Variants in YIPF1 observed in about 807,000 individuals in gnomAD.
The protein encoded by YIPF1 is Yip1 domain family member 1, also known as protein YIPF1.
A neutral mutation model predicts 37.0 loss-of-function variants in YIPF1; 22 were observed. The observed-to-expected ratio is 0.59, with a 90% CI of 0.42 to 0.85. The LOEUF is 0.85. YIPF1 is among the 40% of genes least tolerant of loss of function. The pLI is 0.00. For synonymous variants in YIPF1, 128 were observed against 131.9 expected, an observed-to-expected ratio of 0.97 and a Z score of 0.21; for missense variants, 355 against 373.1, an observed-to-expected ratio of 0.95 and a Z score of 0.40.
At chr1:53,874,019 T>C (rs1255561195) in intron 6 of YIPF1, among the ~76,000 whole-genome samples, 2 of 152,202 alleles carry the variant, frequency 1.3e-5, no homozygotes, top group African/African-American at 4.8e-5. Flanking sequence ...ACTACCTCTA[T>C]GTGGCCCAAT....
At chr1:53,879,865 C>T (rs1490389236) in intron 4 of YIPF1, among the ~76,000 whole-genome samples, 1 of 152,062 alleles carries the variant, frequency 6.6e-6, no homozygotes, top group Non-Finnish European at 1.5e-5. Context: ...GCAAGTAGCT[C>T]GACCCACGGA....
intron 4 of YIPF1, among the ~76,000 whole-genome samples, chr1:53,881,244 C>CAAAAAA (rs747288925): frequency 5.2e-5 from 5 of 96,262 alleles, no homozygotes; most frequent in Admixed American, 1.3e-4. Context: ...GACTCCATCT[C>CAAAAAA]AAAAAAAAAA....
chr1:53,861,693 GGAGGGA>G (rs1649885555), intron 9 of YIPF1, among the ~76,000 whole-genome samples: 2 of 110,990 alleles, frequency 1.8e-5, no homozygotes, highest in Admixed American at 9.9e-5. Flanking sequence ...AGAGAGAGAG[GGAGGGA>G]GGGAGGGAGG....
chr1:53,880,847 C>A (rs919975113), intron 4 of YIPF1, among the ~76,000 whole-genome samples: 2 of 152,204 alleles, frequency 1.3e-5, no homozygotes, highest in African/African-American at 4.8e-5. Context: ...GCTGGGAGAA[C>A]TGGCTAGCCA....
Position 53,867,515 on chromosome 1 carries a change from G to A in YIPF1, c.482-591C>T, listed in dbSNP as rs1650063979. Among the ~76,000 whole-genome samples, 4 of 152,054 alleles carry A rather than the reference G, an allele frequency of 2.6e-5. No homozygotes were observed. In the South Asian group the frequency reaches 8.3e-4, roughly 32 times the overall value. ...AGCCTCCCGAGTAGCTGGGACTACA[G>A]GCGCCCGCCACCACATCCGGCTAAT... On this transcript the variant is annotated intron_variant, in intron 7 of 10. Transcript: ENST00000072644.
intron 7 of YIPF1, among the ~76,000 whole-genome samples, chr1:53,868,339 G>A (rs1232443569): frequency 2.6e-5 from 4 of 152,086 alleles, no homozygotes; most frequent in Non-Finnish European, 5.9e-5. Flanking sequence ...CAGACTCCAT[G>A]GGTTCTAGTT....
rs1334412013 is a variant in YIPF1, at chr1:53,851,881, C to A, written c.*398G>T. ...GGCTAACATTTGGAGAGAAGAGGAT[C>A]CCCCAGGTAGTCTGTACATAATTCA... is the stretch of plus-strand genomic sequence containing the variant. On this transcript the variant is annotated 3_prime_UTR_variant, in exon 11 of 11. Coordinates refer to ENST00000072644, the MANE Select transcript of YIPF1 (RefSeq NM_018982.5). 1.3e-5 allele frequency: 2 copies of A among 152,148 alleles called. No homozygotes were observed. The highest frequency in any genetic ancestry group is 3.9e-4 in the East Asian group (2 of 5,194). 9.4% of individuals were successfully genotyped at this position (152,148 alleles called of 1,614,324 possible). A position where few individuals can be genotyped will look rare whatever the true frequency, so the allele number is the denominator to read the frequency against.
chr1:53,883,000 T>C (rs1410894201), intron 4 of YIPF1, 113 bp downstream of exon 4: 8 of 1,246,852 alleles, frequency 6.4e-6, no homozygotes, highest in Non-Finnish European at 3.2e-6. Context: ...ATGTGTCATT[T>C]ACCTCTGAGC....
At position 53,856,692 on chromosome 1, in the gene YIPF1, A is replaced by G. The variant is rs541099826; in HGVS notation, c.*8+3364T>C. On this transcript the variant is annotated intron_variant, in intron 10 of 10. Transcript: ENST00000072644. Reference sequence around the variant, plus strand: ...ACTGAGTCCCTCCCTTCTTGGCCCCATAATGCTAAACTGACAACTTGGCTA... The same window carrying G: ...ACTGAGTCCCTCCCTTCTTGGCCCCGTAATGCTAAACTGACAACTTGGCTA... Among the ~76,000 whole-genome samples, 9 of 152,320 alleles carry G rather than the reference A, an allele frequency of 5.9e-5. No homozygotes were observed. In the East Asian group the frequency reaches 1.3e-3, roughly 23 times the overall value.
intron 4 of YIPF1, among the ~76,000 whole-genome samples, chr1:53,882,285 C>T (rs1440780508): frequency 6.6e-6 from 1 of 152,134 alleles, no homozygotes; most frequent in Non-Finnish European, 1.5e-5. Flanking sequence ...ACCTATGTAA[C>T]AAACCTGTAC....
intron 6 of YIPF1, among the ~76,000 whole-genome samples, chr1:53,876,784 A>C (rs1184813102): frequency 6.6e-6 from 1 of 152,216 alleles, no homozygotes; most frequent in Non-Finnish European, 1.5e-5. Flanking sequence ...GGATTAAATG[A>C]GTTAATACAG....
chr1:53,874,387 G>A (rs1650279129), intron 6 of YIPF1, among the ~76,000 whole-genome samples: 1 of 152,136 alleles, frequency 6.6e-6, no homozygotes, highest in African/African-American at 2.4e-5. Context: ...TTCATATTAT[G>A]CATTTTTATA....
intron 4 of YIPF1, among the ~76,000 whole-genome samples, chr1:53,880,773 C>T (rs2100740384): frequency 6.6e-6 from 1 of 152,306 alleles, no homozygotes; most frequent in East Asian, 1.9e-4. Flanking sequence ...CTACAACCAT[C>T]TGATCTTCGA....
chr1:53,875,015 ATGT>A (rs1234129473), intron 6 of YIPF1, among the ~76,000 whole-genome samples: 1 of 152,090 alleles, frequency 6.6e-6, no homozygotes, highest in African/African-American at 2.4e-5. Context: ...ATTCTTCTAT[ATGT>A]TGTTCCATAT....
chr1:53,881,244 CAAAAA>C (rs747288925), intron 4 of YIPF1, among the ~76,000 whole-genome samples: 30 of 96,278 alleles, frequency 3.1e-4, no homozygotes, highest in Admixed American at 5.1e-4. Flanking sequence ...GACTCCATCT[CAAAAA>C]AAAAAAAAAA....
At position 53,863,272 on chromosome 1, in the gene YIPF1, G is replaced by A. The variant is rs570123176; in HGVS notation, c.831+2928C>T. Among the ~76,000 whole-genome samples the A allele has an allele frequency of 5.3e-5, 8 of 152,300 alleles. No homozygotes were observed. The South Asian group carries it at 1.4e-3, about 28-fold the overall frequency. On this transcript the variant is annotated intron_variant, in intron 9 of 10. Coordinates refer to ENST00000072644, the MANE Select transcript of YIPF1 (RefSeq NM_018982.5). ...AGAAGATGCCAGTGAGAGGCAACAA[G>A]GAAGGGCATTGTCATTAAGAGTGGG...
In YIPF1 at chr1:53,862,954, C is replaced by T. The variant is rs1172751065; in HGVS notation, c.832-2801G>A. Among the ~76,000 whole-genome samples the T allele has an allele frequency of 2.6e-5, 4 of 152,116 alleles. No homozygotes were observed. In the East Asian group the frequency reaches 5.8e-4, roughly 22 times the overall value. On this transcript the variant is annotated intron_variant, in intron 9 of 10. Coordinates refer to ENST00000072644, the MANE Select transcript of YIPF1 (RefSeq NM_018982.5). ...CTTCTGGCTCAGCCCTTCTGCAGCGCACAATGCCTCCAGAAGAAAAAGGAG... is the reference window on the plus strand; with the variant it reads ...CTTCTGGCTCAGCCCTTCTGCAGCGTACAATGCCTCCAGAAGAAAAAGGAG...
rs1352247453 is a variant in YIPF1, at chr1:53,860,048, T to C, written c.*8+8A>G. 6.2e-7 allele frequency: 1 copy of C among 1,613,456 alleles called. No homozygotes were observed. The highest frequency in any genetic ancestry group is 1.3e-5 in the African/African-American group (1 of 75,032). Reference sequence around the variant, plus strand: ...ACCACACAGCAAAATAAAAATAGAATCTCTTACTTTCCTCATTAGCTGGAC... The same window carrying C: ...ACCACACAGCAAAATAAAAATAGAACCTCTTACTTTCCTCATTAGCTGGAC... On this transcript the variant is annotated splice_region_variant and intron_variant, in intron 10 of 10. Coordinates refer to ENST00000072644, the MANE Select transcript of YIPF1 (RefSeq NM_018982.5).
intron 6 of YIPF1, among the ~76,000 whole-genome samples, chr1:53,873,790 T>A (rs1650258505): frequency 6.6e-6 from 1 of 152,068 alleles, no homozygotes; most frequent in African/African-American, 2.4e-5. Context: ...GCTCAGGAGT[T>A]CAAGACCAGC....
Sources: allele counts gnomAD v4.1 joint callset (sites outside exome capture counted in the v4.1 genomes callset), GRCh38; gene constraint gnomAD v4.1.1; transcripts MANE v1.5; gene names NCBI Gene and HGNC (gene_info 2026-07-23, HGNC 2026-07-21).